The following GSS variants were observed in gnomAD, a reference collection of about 807,000 sequenced individuals.
GSS encodes GSH synthetase.
GSS carries 34 observed loss-of-function variants against 60.4 expected under a neutral mutation model. The observed-to-expected ratio is 0.56, with a 90% confidence interval of 0.43 to 0.75. The LOEUF (loss-of-function observed/expected upper bound fraction) is 0.75, where lower values mean the gene tolerates loss of function less well. Ranked by LOEUF, GSS falls within the 30% of genes least tolerant of loss-of-function variation. The pLI, the probability that GSS is intolerant of heterozygous loss-of-function variation, is 0.00. For missense variants in GSS, 499 were observed against 595.1 expected, an observed-to-expected ratio of 0.84 and a Z score of 1.68; for synonymous variants, 224 against 239.0, an observed-to-expected ratio of 0.94 and a Z score of 0.58.
chr20:34,933,018 G>T (rs2147123094), intron 9 of GSS, among the ~76,000 whole-genome samples: 1 of 152,068 alleles, frequency 6.6e-6, no homozygotes, highest in South Asian at 2.1e-4. Flanking sequence ...GCTAATTTTT[G>T]TATTATTTGT....
intron 2 of GSS, among the ~76,000 whole-genome samples, chr20:34,948,335 T>G (rs2081539166): frequency 6.6e-6 from 1 of 152,118 alleles, no homozygotes; most frequent in Admixed American, 6.5e-5. Flanking sequence ...CCTCAAAAAC[T>G]CAGAGTTTTT....
intron 12 of GSS, 27 bp downstream of exon 12, chr20:34,929,374 G>A (rs771405679): frequency 2.5e-6 from 4 of 1,594,866 alleles, no homozygotes; most frequent in East Asian, 4.5e-5. Context: ...AGCAGGTAGT[G>A]GAAAGAGCTT....
intron 9 of GSS, among the ~76,000 whole-genome samples, chr20:34,935,267 G>A (rs533892636): frequency 6.6e-6 from 1 of 152,370 alleles, no homozygotes; most frequent in South Asian, 2.1e-4. Context: ...ATGGTCAGCA[G>A]TATGCTGGAA....
chr20:34,941,605 A>G lies in GSS; in HGVS notation c.608+108T>C, dbSNP rs2081483256. The G allele has an allele frequency of 1.1e-5, 8 of 758,780 alleles. No individual in the cohort carries two copies. In the South Asian group the frequency reaches 1.1e-4, roughly 10 times the overall value. 47.0% of individuals were successfully genotyped at this position (758,780 alleles called of 1,614,324 possible). A position where few individuals can be genotyped will look rare whatever the true frequency, so the allele number is the denominator to read the frequency against. On this transcript the variant is annotated intron_variant, in intron 6 of 12. Transcript: ENST00000651619. ...TGTAAAGGTATAAGTTTCTATTCCT[A>G]GAAAAATCCCCTTATTCTCTAATGA... is the stretch of plus-strand genomic sequence containing the variant.
At chr20:34,944,493 G>A (rs2081505974) in intron 3 of GSS, among the ~76,000 whole-genome samples, 1 of 152,120 alleles carries the variant, frequency 6.6e-6, no homozygotes, top group Non-Finnish European at 1.5e-5. Context: ...TTACCATTAT[G>A]ACCCCTTCTC....
At chr20:34,950,272 C>G (rs1272771698) in intron 2 of GSS, 1 of 152,106 alleles carries the variant, frequency 6.6e-6, no homozygotes, top group Non-Finnish European at 1.5e-5. Context: ...ATACCATCAG[C>G]CTGCCTTAGG....
intron 6 of GSS, among the ~76,000 whole-genome samples, chr20:34,939,724 C>T (rs1214031352): frequency 1.3e-5 from 2 of 149,548 alleles, no homozygotes; most frequent in South Asian, 2.1e-4. Context: ...GGCTGGAGTG[C>T]AGTGGGGTGA....
At position 34,931,405 on chromosome 20, in the gene GSS, C is replaced by T; in HGVS notation, c.1042G>A (p.Asp348Asn). 1 of 1,614,126 alleles carries T rather than the reference C, an allele frequency of 6.2e-7. No homozygotes were observed. Among genetic ancestry groups the T allele is most frequent in the Non-Finnish European group, 8.5e-7 (1 of 1,179,942 alleles). ...LYSLDVGEEG[D>N]QAIAEALAAP... ...GCAAGGGCCTCGGCGATGGCCTGGT[C>T]CCCTTCTTCACCCTGGCAGGAGGCA... Residue 348 changes from aspartate to asparagine, a missense_variant, in exon 11 of 13, where the codon GAC (aspartate) becomes AAC (asparagine). Transcript: ENST00000651619.
At chr20:34,940,583 C>T (rs1011050785) in intron 6 of GSS, among the ~76,000 whole-genome samples, 6 of 152,100 alleles carry the variant, frequency 3.9e-5, no homozygotes, top group Admixed American at 1.3e-4. Flanking sequence ...CCTCAGTTTC[C>T]TCATCTGTAA....
Position 34,936,937 on chromosome 20 carries a change from A to C in GSS, c.689+6T>G, listed in dbSNP as rs2081445427. On this transcript the variant is annotated splice_donor_region_variant and intron_variant, in intron 7 of 12. Coordinates refer to ENST00000651619, the MANE Select transcript of GSS (RefSeq NM_000178.4). Reference sequence around the variant, plus strand: ...CACACCTAGAAGTCCCCCTTCCTTTACTTACCTGGCCAGTAGCTCATTCTC... The same window carrying C: ...CACACCTAGAAGTCCCCCTTCCTTTCCTTACCTGGCCAGTAGCTCATTCTC... 1 of 1,612,120 alleles carries C rather than the reference A, an allele frequency of 6.2e-7. No homozygotes were observed. Among genetic ancestry groups the C allele is most frequent in the South Asian group, 1.1e-5 (1 of 91,040 alleles).
rs942895091 is a variant in GSS, at chr20:34,942,377, C to T, written c.491+111G>A. ...GGGTGGCCAGGGGCAACATGTGACC[C>T]GGGGCCCAGGAAAGCACAATCATAG... is the stretch of plus-strand genomic sequence containing the variant. On this transcript the variant is annotated intron_variant, in intron 5 of 12. Transcript: ENST00000651619. 48 of 1,031,464 alleles carry T rather than the reference C, an allele frequency of 4.7e-5. 1 individual carries two copies. The highest frequency in any genetic ancestry group is 8.6e-5 in the South Asian group (6 of 69,534). 63.9% of individuals were successfully genotyped at this position (1,031,464 alleles called of 1,614,324 possible).
chr20:34,929,181 T>A (rs2081378489), intron 12 of GSS: 1 of 694,310 alleles, frequency 1.4e-6, no homozygotes. Context: ...GCAAAGGACT[T>A]CTCATCAGGG....
chr20:34,944,099 T>C (rs959732931), intron 3 of GSS, among the ~76,000 whole-genome samples: 3 of 152,148 alleles, frequency 2.0e-5, no homozygotes, highest in African/African-American at 7.2e-5. Context: ...AAGGGTGAGC[T>C]CTCTCATGCC....
intron 2 of GSS, chr20:34,949,671 A>G (rs1209007937): frequency 6.6e-6 from 1 of 152,150 alleles, no homozygotes; most frequent in Non-Finnish European, 1.5e-5. Context: ...TTATTTTACC[A>G]TTTAAATAAC....
chr20:34,952,157 G>A, intron 1 of GSS: 1 of 429,502 alleles, frequency 2.3e-6, no homozygotes, highest in African/African-American at 2.0e-5. Flanking sequence ...CTTGCCCGAG[G>A]TGATGACTGG....
intron 2 of GSS, among the ~76,000 whole-genome samples, chr20:34,950,618 A>G (rs1263406101): frequency 2.0e-5 from 3 of 151,922 alleles, no homozygotes; most frequent in Non-Finnish European, 4.4e-5. Context: ...AAAAAAAAAA[A>G]ATTAGCCAGG....
chr20:34,949,316 C>T (rs1043411452), intron 2 of GSS: 2 of 152,218 alleles, frequency 1.3e-5, no homozygotes, highest in Non-Finnish European at 2.9e-5. Flanking sequence ...AGTTCATACT[C>T]CTCCTCCACC....
chr20:34,929,071 T>A, intron 12 of GSS, 120 bp from the exon 13 acceptor site: 1 of 1,236,216 alleles, frequency 8.1e-7, no homozygotes, highest in Non-Finnish European at 1.2e-6. Flanking sequence ...TGCTAGGATT[T>A]TAGAGTCTCT....
At chr20:34,933,378 A>G (rs2081417332) in intron 9 of GSS, among the ~76,000 whole-genome samples, 1 of 152,204 alleles carries the variant, frequency 6.6e-6, no homozygotes, top group African/African-American at 2.4e-5. Flanking sequence ...GGGAAGGGAT[A>G]CTCAGGCTAA....
Sources: allele counts gnomAD v4.1 joint callset (sites outside exome capture counted in the v4.1 genomes callset), GRCh38; gene constraint gnomAD v4.1.1; transcripts MANE v1.5; gene names NCBI Gene and HGNC (gene_info 2026-07-23, HGNC 2026-07-21).